The following HIRA variants were observed in gnomAD, a reference collection of about 807,000 sequenced individuals.
HIRA encodes the protein histone cell cycle regulator.
Under a neutral mutation model 126.6 loss-of-function variants are expected in HIRA, and 13 were observed. The ratio of observed to expected loss-of-function variants is 0.10; its 90% CI spans 0.07 to 0.16. The LOEUF (loss-of-function observed/expected upper bound fraction) is 0.16, where lower values mean the gene tolerates loss of function less well. HIRA is among the 10% of genes least tolerant of loss of function. The pLI is 1.00. For missense variants in HIRA, 834 were observed against 1,314.4 expected (o/e 0.63, Z 5.65); for synonymous variants, 511 against 520.0 (o/e 0.98, Z 0.24).
At chr22:19,424,926 G>A (rs1601864527) in intron 1 of HIRA, among the ~76,000 whole-genome samples, 1 of 152,088 alleles carries the variant, frequency 6.6e-6, no homozygotes, top group African/African-American at 2.4e-5. Flanking sequence ...CATCAGTGTC[G>A]GCCCTGTTCC....
rs118013336 is a variant in HIRA, at chr22:19,360,451, C to T, written c.2085+786G>A. Reference sequence around the variant, plus strand: ...TATGGGTTCCTACCCTTTGGCTTCCCTGCTTCATTCCTCTGCACTGTGGCC... The same window carrying T: ...TATGGGTTCCTACCCTTTGGCTTCCTTGCTTCATTCCTCTGCACTGTGGCC... On this transcript the variant is annotated intron_variant, in intron 17 of 24. Coordinates refer to ENST00000263208, the MANE Select transcript of HIRA (RefSeq NM_003325.4). 7.5e-3 allele frequency among the ~76,000 whole-genome samples: 1,149 copies of T among 152,306 alleles called. 25 individuals carry two copies. Among genetic ancestry groups the T allele is most frequent in the East Asian group, 0.067 (349 of 5,172 alleles).
chr22:19,386,774 C>G (rs377686340), intron 11 of HIRA, among the ~76,000 whole-genome samples: 2 of 152,190 alleles, frequency 1.3e-5, no homozygotes, highest in Non-Finnish European at 2.9e-5. Context: ...TCCCAGGTAC[C>G]TGATGACAGT....
chr22:19,355,863 T>A lies in HIRA; in HGVS notation c.2458A>T (p.Ser820Cys). ...EESLHSILAG[S>C]DMTVSQILLT... Reference sequence around the variant, plus strand: ...AAGATCTGTGATACCGTCATATCACTTCCTGAGGACAGCATGGGAATGAGT... The same window carrying A: ...AAGATCTGTGATACCGTCATATCACATCCTGAGGACAGCATGGGAATGAGT... The change falls in exon 21 of 25, where the codon AGT becomes TGT. Residue 820 changes from serine (S) to cysteine (C), a missense_variant and splice_region_variant. Physicochemically the swap from Ser to Cys is moderately radical, Grantham distance 112 (BLOSUM62 -1). Around this residue, in one of 5 missense-constraint regions of HIRA, gnomAD observed 468 missense variants for 574.2 expected, o/e 0.82. Coordinates refer to ENST00000263208, the MANE Select transcript of HIRA (RefSeq NM_003325.4). 2 of 1,607,188 alleles carry A rather than the reference T, an allele frequency of 1.2e-6. No homozygotes were observed. Among genetic ancestry groups the A allele is most frequent in the Non-Finnish European group, 1.7e-6 (2 of 1,173,868 alleles).
chr22:19,422,534 T>A (rs2089457031), intron 1 of HIRA, among the ~76,000 whole-genome samples: 1 of 152,162 alleles, frequency 6.6e-6, no homozygotes, highest in Non-Finnish European at 1.5e-5. Flanking sequence ...AGTAGCCTAC[T>A]AGGCTCTCCC....
chr22:19,386,893 C>A (rs780664206), intron 11 of HIRA, among the ~76,000 whole-genome samples: 5 of 152,210 alleles, frequency 3.3e-5, no homozygotes, highest in Admixed American at 6.5e-5. Context: ...AGACCTCTCC[C>A]CCAAAGGGGT....
chr22:19,389,193 T>C (rs904071221), intron 9 of HIRA, among the ~76,000 whole-genome samples: 3 of 152,234 alleles, frequency 2.0e-5, no homozygotes, highest in Non-Finnish European at 1.5e-5. Context: ...TGTCTGTTTT[T>C]TCATTTAACA....
intron 15 of HIRA, among the ~76,000 whole-genome samples, chr22:19,370,125 A>T (rs1346486587): frequency 6.6e-6 from 1 of 151,830 alleles, no homozygotes; most frequent in Non-Finnish European, 1.5e-5. Flanking sequence ...TAATTTTTGT[A>T]TTTTTATAGT....
chr22:19,359,560 TG>T, intron 17 of HIRA, 76 bp from the exon 18 acceptor site: 3 of 1,398,112 alleles, frequency 2.1e-6, no homozygotes, highest in Admixed American at 2.9e-5. Flanking sequence ...CTCTGTAGCC[TG>T]GGGCCCCAAG....
intron 1 of HIRA, among the ~76,000 whole-genome samples, chr22:19,420,063 T>TGC (rs938276961): frequency 6.6e-6 from 1 of 151,978 alleles, no homozygotes; most frequent in Non-Finnish European, 1.5e-5. Context: ...TGTGTGTGTG[T>TGC]GTGTGTGCAC....
At chr22:19,404,743 G>C (rs934463973) in intron 5 of HIRA, among the ~76,000 whole-genome samples, 10 of 152,152 alleles carry the variant, frequency 6.6e-5, no homozygotes, top group South Asian at 6.2e-4. Context: ...ACTCCATTCT[G>C]AACTGGTATC....
intron 4 of HIRA, 60 bp from the exon 5 acceptor site, chr22:19,405,940 GCTC>G: frequency 9.1e-7 from 1 of 1,100,694 alleles, no homozygotes; most frequent in Admixed American, 3.1e-5. Context: ...GCATAGAAAT[GCTC>G]CCTGCAGCCA....
At chr22:19,348,170 C>A (rs1236309024) in intron 24 of HIRA, among the ~76,000 whole-genome samples, 3 of 152,208 alleles carry the variant, frequency 2.0e-5, no homozygotes, top group Non-Finnish European at 4.4e-5. Flanking sequence ...CCCTACAGTG[C>A]TACTCCCAAG....
chr22:19,356,676 G>A (rs1405287080), intron 19 of HIRA, among the ~76,000 whole-genome samples: 1 of 152,220 alleles, frequency 6.6e-6, no homozygotes. Flanking sequence ...AATCGAGCAG[G>A]CAAGCTGCCT....
At chr22:19,344,224 C>G (rs1416880059) in intron 24 of HIRA, among the ~76,000 whole-genome samples, 2 of 151,940 alleles carry the variant, frequency 1.3e-5, no homozygotes, top group African/African-American at 2.4e-5. Flanking sequence ...ATCAATGAAA[C>G]CAAAAGTTGA....
At chr22:19,405,643 G>A (rs2089301935) in intron 5 of HIRA, 143 bp downstream of exon 5, 1 of 850,194 alleles carries the variant, frequency 1.2e-6, no homozygotes, top group Non-Finnish European at 1.6e-6. Context: ...GGACAGGCAG[G>A]GTGTGACTGA....
intron 14 of HIRA, 115 bp downstream of exon 14, chr22:19,377,754 C>CT: frequency 1.0e-6 from 1 of 963,006 alleles, no homozygotes. Flanking sequence ...TTTTTTCTTT[C>CT]TTTTTTGATT....
chr22:19,366,328 C>T (rs1025398389), intron 15 of HIRA, among the ~76,000 whole-genome samples: 4 of 152,218 alleles, frequency 2.6e-5, no homozygotes, highest in Non-Finnish European at 5.9e-5. Context: ...CACCACTGCA[C>T]TCCAGCCTGG....
rs2088785557 is a variant in HIRA at position 19,354,012 on chromosome 22, G to T, written c.2668C>A (p.Gln890Lys). 6.2e-7 allele frequency: 1 copy of T among 1,613,254 alleles called. No homozygotes were observed. The highest frequency in any genetic ancestry group is 8.5e-7 in the Non-Finnish European group (1 of 1,179,780). Residue 890 changes from glutamine (Q) to lysine (K), a missense_variant, in exon 22 of 25, where the codon CAG becomes AAG. Physicochemically the swap from Gln to Lys is moderately conservative, Grantham distance 53. Around this residue, in one of 5 missense-constraint regions of HIRA, gnomAD observed 468 missense variants for 574.2 expected, o/e 0.82. Coordinates refer to ENST00000263208, the MANE Select transcript of HIRA (RefSeq NM_003325.4). Reference protein sequence around the residue: ...MLCSGPLAIIQGRTSNSGRQA... With the variant: ...MLCSGPLAIIKGRTSNSGRQA... ...GTCACGTACTTGGAGGTGCGGCCCT[G>T]GATTATGGCTAACGGTCCTGAGCAC...
intron 5 of HIRA, among the ~76,000 whole-genome samples, chr22:19,401,502 A>G (rs1569307985): frequency 6.6e-6 from 1 of 152,076 alleles, no homozygotes; most frequent in African/African-American, 2.4e-5. Context: ...CAAGATTCAT[A>G]TTTCCAAATG....
Sources: gnomAD v4.1 joint callset for allele counts (sites outside exome capture counted in the v4.1 genomes callset) on GRCh38, gnomAD v4.1.1 for gene constraint, gnomAD v4.1.1 regional missense constraint, MANE v1.5 for transcripts, NCBI Gene and HGNC (gene_info 2026-07-23, HGNC 2026-07-21) for gene names.